Variants in PARD6G observed in about 807,000 individuals in gnomAD.
PARD6G encodes the protein partitioning defective 6 homolog gamma.
Under a neutral mutation model 10.7 loss-of-function variants are expected in PARD6G, and 7 were observed. That is an observed-to-expected ratio of 0.66 (90% confidence interval 0.37 to 1.23). PARD6G has a LOEUF of 1.23. Among genes scored for constraint, PARD6G ranks in the 50% most tolerant of loss-of-function variants. The pLI is 0.02. For synonymous variants in PARD6G, 287 were observed against 269.4 expected (o/e 1.07, Z -0.64); for missense variants, 548 against 571.8 (o/e 0.96, Z 0.42).
intron 2 of PARD6G, chr18:80,170,160 A>G (rs148966209): frequency 2.9e-4 from 44 of 152,392 alleles, no homozygotes; most frequent in African/African-American, 9.9e-4. Flanking sequence ...ATGCCAGAAC[A>G]ATATTTCATT....
chr18:80,236,525 T>G (rs1967424836), intron 1 of PARD6G, among the ~76,000 whole-genome samples: 1 of 152,034 alleles, frequency 6.6e-6, no homozygotes, highest in South Asian at 2.1e-4. Flanking sequence ...GAGAAAGAAA[T>G]AAAGGGTATT....
chr18:80,209,250 G>A (rs1339495608), intron 1 of PARD6G, among the ~76,000 whole-genome samples: 1 of 152,144 alleles, frequency 6.6e-6, no homozygotes, highest in Non-Finnish European at 1.5e-5. Context: ...AGAAATGTAT[G>A]TAAGCCTATG....
In PARD6G at chr18:80,159,675, C is replaced by G; in HGVS notation, c.*96G>C. The G allele has an allele frequency of 1.5e-6, 2 of 1,313,746 alleles. No homozygotes were observed. The highest frequency in any genetic ancestry group is 1.9e-6 in the Non-Finnish European group (2 of 1,029,566). The allele number at this position is 1,313,746 out of a possible 1,614,324, so 81.4% of individuals were successfully genotyped here. On this transcript the variant is annotated 3_prime_UTR_variant, in exon 3 of 3. Transcript: ENST00000353265. The stretch of plus-strand genomic sequence containing the variant: ...CAAAGAGCAGCGTTGTTTTTGTGGT[C>G]ACAAAAACAACAAAAAATGAGCGGA...
intron 2 of PARD6G, among the ~76,000 whole-genome samples, chr18:80,186,409 TCACA>T (rs987149000): frequency 8.3e-6 from 1 of 120,758 alleles, no homozygotes; most frequent in Non-Finnish European, 1.7e-5. Context: ...GCATGCACCC[TCACA>T]CACGCATATG....
At chr18:80,173,025 C>T (rs1238211762) in intron 2 of PARD6G, among the ~76,000 whole-genome samples, 2 of 152,120 alleles carry the variant, frequency 1.3e-5, no homozygotes, top group Admixed American at 1.3e-4. Flanking sequence ...ATGCTTGGAC[C>T]CAGGCTTATG....
In PARD6G at chr18:80,231,869, G is replaced by A. The variant is rs936240366; in HGVS notation, c.72+15408C>T. ...AACCCAAAGTTGCAAGCACAGTAAAGGCAGACCTCTTGCATGTATGGAGTT... is the reference window on the plus strand; with the variant it reads ...AACCCAAAGTTGCAAGCACAGTAAAAGCAGACCTCTTGCATGTATGGAGTT... On this transcript the variant is annotated intron_variant, in intron 1 of 2. Coordinates refer to ENST00000353265, the MANE Select transcript of PARD6G (RefSeq NM_032510.4). The surrounding 1 kb of genome is among the most constrained non-coding windows in gnomAD (Gnocchi z 4.2). 2.6e-5 allele frequency among the ~76,000 whole-genome samples: 4 copies of A among 152,108 alleles called. No individual in the cohort carries two copies. Among genetic ancestry groups the A allele is most frequent in the Non-Finnish European group, 4.4e-5 (3 of 68,034 alleles).
intron 1 of PARD6G, among the ~76,000 whole-genome samples, chr18:80,239,929 G>T (rs1404602762): frequency 2.0e-5 from 3 of 152,242 alleles, no homozygotes; most frequent in Admixed American, 2.0e-4. Flanking sequence ...TTTCTGGGGA[G>T]GGCTTCTGGC....
intron 2 of PARD6G, among the ~76,000 whole-genome samples, chr18:80,173,860 C>T (rs1432652339): frequency 3.9e-5 from 6 of 152,292 alleles, no homozygotes; most frequent in South Asian, 2.1e-4. Context: ...TCCTTCAAAG[C>T]GCATGGCTAC....
intron 1 of PARD6G, among the ~76,000 whole-genome samples, chr18:80,212,307 C>T (rs1967117079): frequency 1.3e-5 from 2 of 152,136 alleles, no homozygotes; most frequent in Admixed American, 6.5e-5. Context: ...CCTAGTCACT[C>T]ATAACCATGA....
Position 80,159,853 on chromosome 18 carries a change from C to A in PARD6G, c.1049G>T (p.Ser350Ile), listed in dbSNP as rs1255781812. 9 of 1,508,296 alleles carry A rather than the reference C, an allele frequency of 6.0e-6. No individual in the cohort carries two copies. In the Admixed American group the frequency reaches 2.1e-4, roughly 35 times the overall value. 93.4% of individuals were successfully genotyped at this position (1,508,296 alleles called of 1,614,324 possible). Reference protein sequence around the residue: ...ALDGGLQRLLSSLRADPRHSL... With the variant: ...ALDGGLQRLLISLRADPRHSL... ...GTGACGGGGGTCGGCCCGCAGGGAG[C>A]TGAGCAGCCGCTGGAGGCCGCCGTC... The change falls in exon 3 of 3, where the codon AGC (serine) becomes ATC (isoleucine). Residue 350 changes from serine to isoleucine, a missense_variant. Transcript: ENST00000353265.
rs778155231 is a variant in PARD6G at position 80,231,942 on chromosome 18, T to G, written c.72+15335A>C. Among the ~76,000 whole-genome samples, 2 of 152,200 alleles carry G rather than the reference T, an allele frequency of 1.3e-5. No individual in the cohort carries two copies. Among genetic ancestry groups the G allele is most frequent in the Non-Finnish European group, 2.9e-5 (2 of 68,038 alleles). ...CTGTTTTGGGCTCACACTGTGGGCC[T>G]GAGCTGCTGGCAGATTCAGCCTTCC... is the stretch of plus-strand genomic sequence containing the variant. On this transcript the variant is annotated intron_variant, in intron 1 of 2. Transcript: ENST00000353265. This position sits in a 1 kb window ranked among gnomAD's most constrained non-coding sequence, Gnocchi z 4.2.
chr18:80,224,487 G>A (rs189247398), intron 1 of PARD6G, among the ~76,000 whole-genome samples: 213 of 152,304 alleles, frequency 1.4e-3, no homozygotes, highest in Admixed American at 3.8e-3. Flanking sequence ...CTCATGTTTG[G>A]TGTGTGCTTC....
rs1966911649 is a variant in PARD6G at position 80,192,867 on chromosome 18, A to G, written c.295+9843T>C. Among the ~76,000 whole-genome samples, 1 of 151,940 alleles carries G rather than the reference A, an allele frequency of 6.6e-6. No homozygotes were observed. The highest frequency in any genetic ancestry group is 2.1e-4 in the South Asian group (1 of 4,824). On this transcript the variant is annotated intron_variant, in intron 2 of 2. Transcript: ENST00000353265. This position sits in a 1 kb window ranked among gnomAD's most constrained non-coding sequence, Gnocchi z 4.9. ...CAGTCCTCCCCTCACTCCTGTGTGG[A>G]GGGCGGAGGAGAGGTGTCTGCAGGG...
rs1474039529 is a variant in PARD6G at position 80,200,484 on chromosome 18, T to G, written c.295+2226A>C. The stretch of plus-strand genomic sequence containing the variant: ...CAGGCACTACCACCCGTGCCACAGA[T>G]GAGGACGGTAGAGCTCTGCGGGATG... On this transcript the variant is annotated intron_variant, in intron 2 of 2. Coordinates refer to ENST00000353265, the MANE Select transcript of PARD6G (RefSeq NM_032510.4). The surrounding 1 kb of genome is among the most constrained non-coding windows in gnomAD (Gnocchi z 4.4). Among the ~76,000 whole-genome samples the G allele has an allele frequency of 6.6e-6, 1 of 151,978 alleles. No individual in the cohort carries two copies. Among genetic ancestry groups the G allele is most frequent in the Non-Finnish European group, 1.5e-5 (1 of 68,000 alleles).
rs1031791641 is a variant in PARD6G at position 80,189,735 on chromosome 18, C to T, written c.295+12975G>A. Among the ~76,000 whole-genome samples, 68 of 152,206 alleles carry T rather than the reference C, an allele frequency of 4.5e-4. No homozygotes were observed. The highest frequency in any genetic ancestry group is 1.5e-3 in the African/African-American group (63 of 41,554). On this transcript the variant is annotated intron_variant, in intron 2 of 2. Coordinates refer to ENST00000353265, the MANE Select transcript of PARD6G (RefSeq NM_032510.4). The surrounding 1 kb of genome is among the most constrained non-coding windows in gnomAD (Gnocchi z 5.5). ...GTCGTTGAGGCTGTTCTTTCATCTC[C>T]CAGATGAGACCCGACCTCTCCTTCC...
Position 80,181,192 on chromosome 18 carries a change from G to A in PARD6G, c.296-20586C>T, listed in dbSNP as rs1332216112. On this transcript the variant is annotated intron_variant, in intron 2 of 2. Transcript: ENST00000353265. This position sits in a 1 kb window ranked among gnomAD's most constrained non-coding sequence, Gnocchi z 7.9. Reference sequence around the variant, plus strand: ...AATGACACCCACAGACAAGCCCTGCGTACACTGACCGTAGACTGGTGTGTG... The same window carrying A: ...AATGACACCCACAGACAAGCCCTGCATACACTGACCGTAGACTGGTGTGTG... Among the ~76,000 whole-genome samples the A allele has an allele frequency of 2.0e-5, 3 of 152,128 alleles. No homozygotes were observed. The highest frequency in any genetic ancestry group is 7.2e-5 in the African/African-American group (3 of 41,410).
chr18:80,187,442 T>C (rs4799141), intron 2 of PARD6G, among the ~76,000 whole-genome samples: 101,339 of 152,160 alleles, frequency 0.67, 33,890 homozygotes, highest in African/African-American at 0.69. Flanking sequence ...CATGTAACCA[T>C]GAGCTTCAGC....
chr18:80,229,646 G>A (rs1967336292), intron 1 of PARD6G, among the ~76,000 whole-genome samples: 1 of 152,216 alleles, frequency 6.6e-6, no homozygotes, highest in African/African-American at 2.4e-5. Flanking sequence ...CTGTCTTCGT[G>A]TAGCTGATGG....
At chr18:80,190,702 T>C (rs550928129) in intron 2 of PARD6G, among the ~76,000 whole-genome samples, 5 of 152,232 alleles carry the variant, frequency 3.3e-5, no homozygotes, top group South Asian at 2.1e-4. Context: ...TTGGAGACCA[T>C]GGATTTGAGG....
Sources: gnomAD v4.1 joint callset for allele counts (sites outside exome capture counted in the v4.1 genomes callset) on GRCh38, gnomAD v4.1.1 for gene constraint, Gnocchi (gnomAD v3.1) non-coding constraint, MANE v1.5 for transcripts, NCBI Gene and HGNC (gene_info 2026-07-23, HGNC 2026-07-21) for gene names.